Variants in DTWD1 observed in about 807,000 individuals in gnomAD.
DTWD1 encodes tRNA-uridine aminocarboxypropyltransferase 1.
Under a neutral mutation model 30.2 loss-of-function variants are expected in DTWD1, and 27 were observed. The ratio of observed to expected loss-of-function variants is 0.90; its 90% CI spans 0.66 to 1.23. DTWD1 has a LOEUF of 1.23. Ranked by LOEUF, DTWD1 falls within the 50% of genes most tolerant of loss-of-function variation. The pLI, the probability that DTWD1 is intolerant of heterozygous loss-of-function variation, is 0.00. For missense variants in DTWD1, 342 were observed against 348.8 expected, an observed-to-expected ratio of 0.98 and a Z score of 0.15; for synonymous variants, 99 against 113.1, an observed-to-expected ratio of 0.88 and a Z score of 0.79.
chr15:49,639,334 G>A (rs1399092213), intron 4 of DTWD1, among the ~76,000 whole-genome samples: 1 of 152,184 alleles, frequency 6.6e-6, no homozygotes, highest in Non-Finnish European at 1.5e-5. Flanking sequence ...ATGAAGGTGG[G>A]AGTATCACTT....
At position 49,634,536 on chromosome 15, in the gene DTWD1, G is replaced by A. The variant is rs1304945848; in HGVS notation, c.409G>A (p.Val137Ile). The change falls in exon 4 of 5, where the codon GTT becomes ATT. Residue 137 changes from valine to isoleucine, a missense_variant and splice_region_variant. Coordinates refer to ENST00000403028, the MANE Select transcript of DTWD1 (RefSeq NM_001144955.2). ...IPEYEEKDHE[V>I]ALIFPGPQSI... The stretch of plus-strand genomic sequence containing the variant: ...GCTAACCCAATTTTCTTTGTTTTAG[G>A]TTGCACTCATTTTTCCTGGACCTCA... 1.2e-6 allele frequency: 2 copies of A among 1,605,502 alleles called. No homozygotes were observed. The highest frequency in any genetic ancestry group is 1.1e-5 in the South Asian group (1 of 89,396).
intron 1 of DTWD1, among the ~76,000 whole-genome samples, chr15:49,622,851 G>A (rs2078783156): frequency 6.6e-6 from 1 of 152,136 alleles, no homozygotes; most frequent in Non-Finnish European, 1.5e-5. Context: ...ACTAAGAGGT[G>A]GAGCCATAAA....
chr15:49,623,774 A>C (rs1165864675), intron 1 of DTWD1: 2 of 152,200 alleles, frequency 1.3e-5, no homozygotes, highest in African/African-American at 4.8e-5. Flanking sequence ...GCATGATCAC[A>C]AAGATCAAAG....
chr15:49,631,061 G>A (rs1333695189), intron 2 of DTWD1: 5 of 425,564 alleles, frequency 1.2e-5, no homozygotes, highest in Non-Finnish European at 2.4e-5. Flanking sequence ...ACATTATGGT[G>A]AGTTGTATAA....
At chr15:49,632,387 ATAATT>A in intron 3 of DTWD1, 85 bp downstream of exon 3, 3 of 1,286,600 alleles carry the variant, frequency 2.3e-6, no homozygotes, top group Non-Finnish European at 3.2e-6. Context: ...TTACTCAAAC[ATAATT>A]TAATATTTTT....
At chr15:49,632,598 T>C (rs2078938008) in intron 3 of DTWD1, among the ~76,000 whole-genome samples, 1 of 152,134 alleles carries the variant, frequency 6.6e-6, no homozygotes, top group Non-Finnish European at 1.5e-5. Flanking sequence ...CTCCTCTCCT[T>C]CTCCTGTTTG....
rs539668935 is a variant in DTWD1, at chr15:49,654,136, G to A, written c.*10558G>A. ...CTTAACTGGGACAAGCTACTCTCAA[G>A]CATCTTCACTTGAGAAACAGTAACT... On this transcript the variant is annotated 3_prime_UTR_variant, in exon 5 of 5. Transcript: ENST00000403028. 3.5e-4 allele frequency: 54 copies of A among 152,164 alleles called. No individual in the cohort carries two copies. Among genetic ancestry groups the A allele is most frequent in the African/African-American group, 1.3e-3 (52 of 41,550 alleles). 9.4% of individuals were successfully genotyped at this position (152,164 alleles called of 1,614,324 possible). A position where few individuals can be genotyped will look rare whatever the true frequency, so the allele number is the denominator to read the frequency against.
Position 49,632,148 on chromosome 15 carries a change from T to C in DTWD1, c.265-11T>C. Reference sequence around the variant, plus strand: ...TATATATTTTTTTATTTGTGCTTTTTTTACCTTTAGCTTCCATTGAAGATT... The same window carrying C: ...TATATATTTTTTTATTTGTGCTTTTCTTACCTTTAGCTTCCATTGAAGATT... On this transcript the variant is annotated splice_polypyrimidine_tract_variant and intron_variant, in intron 2 of 4. Coordinates refer to ENST00000403028, the MANE Select transcript of DTWD1 (RefSeq NM_001144955.2). 1 of 1,552,650 alleles carries C rather than the reference T, an allele frequency of 6.4e-7. No individual in the cohort carries two copies. Among genetic ancestry groups the C allele is most frequent in the Non-Finnish European group, 8.6e-7 (1 of 1,159,186 alleles).
intron 4 of DTWD1, among the ~76,000 whole-genome samples, chr15:49,635,999 C>A (rs2078997358): frequency 6.6e-6 from 1 of 152,092 alleles, no homozygotes; most frequent in South Asian, 2.1e-4. Flanking sequence ...CAGCACACTT[C>A]CACACTCTCC....
rs1291247162 is a variant in DTWD1, at chr15:49,649,433, A to G, written c.*5855A>G. 6.6e-6 allele frequency: 1 copy of G among 152,172 alleles called. No individual in the cohort carries two copies. The highest frequency in any genetic ancestry group is 1.5e-5 in the Non-Finnish European group (1 of 68,052). 9.4% of individuals were successfully genotyped at this position (152,172 alleles called of 1,614,324 possible). On this transcript the variant is annotated 3_prime_UTR_variant, in exon 5 of 5. Transcript: ENST00000403028. ...GGAGAAGGAAACCAAAAACCAAAAA[A>G]GAGAGCATTAAGAAGTCAGCAGGCC...
At position 49,641,706 on chromosome 15, in the gene DTWD1, G is replaced by A. The variant is rs1036528041; in HGVS notation, c.668-1625G>A. The stretch of plus-strand genomic sequence containing the variant: ...TGTTCTGCTGGGTTCACAATTTTAG[G>A]TTGCCAGTTCTGTTTTTTTGTTTGT... On this transcript the variant is annotated intron_variant, in intron 4 of 4. Transcript: ENST00000403028. Among the ~76,000 whole-genome samples, 9 of 151,856 alleles carry A rather than the reference G, an allele frequency of 5.9e-5. 1 individual carries two copies. Among genetic ancestry groups the A allele is most frequent in the African/African-American group, 2.2e-4 (9 of 41,386 alleles).
rs2079105696 is a variant in DTWD1, at chr15:49,644,814, A to G, written c.*1236A>G. The G allele has an allele frequency of 6.6e-6, 1 of 152,298 alleles. No individual in the cohort carries two copies. The highest frequency in any genetic ancestry group is 1.5e-5 in the Non-Finnish European group (1 of 68,022). 9.4% of individuals were successfully genotyped at this position (152,298 alleles called of 1,614,324 possible). On this transcript the variant is annotated 3_prime_UTR_variant, in exon 5 of 5. Transcript: ENST00000403028. ...GCTTACAGTTATTACTAGCCCCAGT[A>G]TAGTTCACTACAACTTGTTGCTTTA...
intron 2 of DTWD1, chr15:49,626,662 A>AAT (rs111659310): frequency 0.036 from 13,166 of 370,826 alleles, 828 homozygotes; most frequent in African/African-American, 0.17. Flanking sequence ...TATATTTTAA[A>AAT]ATTTGTTTTG....
chr15:49,638,467 G>A (rs2079028629), intron 4 of DTWD1, among the ~76,000 whole-genome samples: 1 of 152,154 alleles, frequency 6.6e-6, no homozygotes, highest in Admixed American at 6.5e-5. Context: ...CCTGTCCTTT[G>A]TGGCTCTTCA....
At chr15:49,633,663 A>G in intron 3 of DTWD1, 1 of 259,094 alleles carries the variant, frequency 3.9e-6, no homozygotes, top group Admixed American at 5.6e-5. Context: ...ATTTTATTTT[A>G]TTGTGATTTT....
intron 3 of DTWD1, 33 bp from the exon 4 acceptor site, chr15:49,634,503 A>G: frequency 6.4e-7 from 1 of 1,564,992 alleles, no homozygotes; most frequent in Non-Finnish European, 8.6e-7. Context: ...AGATCATAGT[A>G]GCACACTGCT....
rs922283077 is a variant in DTWD1 at position 49,643,745 on chromosome 15, G to A, written c.*167G>A. The A allele has an allele frequency of 1.5e-5, 11 of 715,932 alleles. No homozygotes were observed. Among genetic ancestry groups the A allele is most frequent in the African/African-American group, 1.3e-4 (7 of 53,978 alleles). 44.3% of individuals were successfully genotyped at this position (715,932 alleles called of 1,614,324 possible). Reference sequence around the variant, plus strand: ...TATTTCTTGAAGGAAATTGTATCTGGGGGAATTTTTCAGAGATACTGTTGA... The same window carrying A: ...TATTTCTTGAAGGAAATTGTATCTGAGGGAATTTTTCAGAGATACTGTTGA... On this transcript the variant is annotated 3_prime_UTR_variant, in exon 5 of 5. Coordinates refer to ENST00000403028, the MANE Select transcript of DTWD1 (RefSeq NM_001144955.2).
chr15:49,631,224 T>C (rs1043993066), intron 2 of DTWD1, among the ~76,000 whole-genome samples: 3 of 152,094 alleles, frequency 2.0e-5, no homozygotes, highest in African/African-American at 4.8e-5. Context: ...CCAGAAAGAT[T>C]GGGGAGTAGT....
In DTWD1 at chr15:49,648,883, C is replaced by T. The variant is rs1333889165; in HGVS notation, c.*5305C>T. 1 of 152,068 alleles carries T rather than the reference C, an allele frequency of 6.6e-6. No homozygotes were observed. The highest frequency in any genetic ancestry group is 1.5e-5 in the Non-Finnish European group (1 of 68,022). The allele number at this position is 152,068 out of a possible 1,614,324, so 9.4% of individuals were successfully genotyped here. A position where few individuals can be genotyped will look rare whatever the true frequency, so the allele number is the denominator to read the frequency against. Reference sequence around the variant, plus strand: ...TCTTTCGAAAGGTCATTTCTGACCCCAGCTTGAAGTTTGTTTATTTTCACT... The same window carrying T: ...TCTTTCGAAAGGTCATTTCTGACCCTAGCTTGAAGTTTGTTTATTTTCACT... On this transcript the variant is annotated 3_prime_UTR_variant, in exon 5 of 5. Transcript: ENST00000403028.
Sources: gnomAD v4.1 joint callset for allele counts (sites outside exome capture counted in the v4.1 genomes callset) on GRCh38, gnomAD v4.1.1 for gene constraint, MANE v1.5 for transcripts, NCBI Gene and HGNC (gene_info 2026-07-23, HGNC 2026-07-21) for gene names.